LRBA: variants seen among roughly 807,000 people sequenced by gnomAD.
LRBA encodes the protein lipopolysaccharide-responsive and beige-like anchor protein.
Under a neutral mutation model 330.0 loss-of-function variants are expected in LRBA, and 176 were observed. The observed-to-expected ratio is 0.53, with a 90% CI of 0.47 to 0.60. The LOEUF (loss-of-function observed/expected upper bound fraction) is 0.60. LRBA is among the 20% of genes least tolerant of loss of function. LRBA has a pLI of 0.00. For synonymous variants in LRBA, 1,230 were observed against 1,193.0 expected (o/e 1.03, Z -0.64); for missense variants, 3,259 against 3,444.8 (o/e 0.95, Z 1.35).
intron 47 of LRBA, among the ~76,000 whole-genome samples, chr4:150,377,927 T>C (rs1215178405): frequency 6.8e-6 from 1 of 147,048 alleles, no homozygotes; most frequent in Non-Finnish European, 1.5e-5. Flanking sequence ...GCGGAGATCA[T>C]GCCACTGCAC....
intron 40 of LRBA, among the ~76,000 whole-genome samples, chr4:150,520,311 T>A (rs184102555): frequency 1.3e-5 from 2 of 152,138 alleles, no homozygotes; most frequent in African/African-American, 4.8e-5. Context: ...ATAGATAAAT[T>A]TGGGGAGAAA....
chr4:150,809,225 A>G (rs947580169), intron 31 of LRBA, among the ~76,000 whole-genome samples: 1 of 152,228 alleles, frequency 6.6e-6, no homozygotes, highest in African/African-American at 2.4e-5. Flanking sequence ...ATATACAAAC[A>G]TACACACACA....
chr4:150,721,307 G>T, intron 36 of LRBA: 1 of 342,904 alleles, frequency 2.9e-6, no homozygotes, highest in South Asian at 3.0e-5. Flanking sequence ...CCTGGGAAGT[G>T]AAAGTACTTT....
rs753822021 is a variant in LRBA, at chr4:150,828,615, G to A, written c.4736C>T (p.Thr1579Ile). The A allele has an allele frequency of 3.7e-6, 6 of 1,611,562 alleles. No individual in the cohort carries two copies. Among genetic ancestry groups the A allele is most frequent in the Non-Finnish European group, 5.1e-6 (6 of 1,178,458 alleles). The change falls in exon 30 of 57, where the codon ACA (threonine) becomes ATA (isoleucine). Residue 1579 changes from threonine (T) to isoleucine (I), a missense_variant. Thr to Ile is a moderately conservative substitution (Grantham distance 89, BLOSUM62 -1). Coordinates refer to ENST00000651943, the MANE Select transcript of LRBA (RefSeq NM_001364905.1). ...AGTTAAAGTGCTGAATGCTGCTGGTGTGATTTCTATATCATACCCAGAAAC... is the reference window on the plus strand; with the variant it reads ...AGTTAAAGTGCTGAATGCTGCTGGTATGATTTCTATATCATACCCAGAAAC... ...ENENVSLSEI[T>I]PAAFSTLTTA...
At chr4:150,634,814 G>GA (rs1777725146) in intron 37 of LRBA, among the ~76,000 whole-genome samples, 1 of 152,142 alleles carries the variant, frequency 6.6e-6, no homozygotes, top group African/African-American at 2.4e-5. Flanking sequence ...CAGTTTCTCA[G>GA]AAAGAAACAT....
intron 2 of LRBA, among the ~76,000 whole-genome samples, chr4:150,997,984 G>A (rs1055266284): frequency 5.9e-5 from 9 of 152,062 alleles, no homozygotes; most frequent in East Asian, 3.9e-4. Context: ...GATTACAAGC[G>A]TGAGCCACTG....
At chr4:150,755,881 A>G (rs913586577) in intron 35 of LRBA, among the ~76,000 whole-genome samples, 5 of 151,680 alleles carry the variant, frequency 3.3e-5, no homozygotes, top group African/African-American at 1.2e-4. Flanking sequence ...CTACAAGAAA[A>G]AAAAAAAAAT....
chr4:150,887,591 A>C (rs1357535034), intron 17 of LRBA, among the ~76,000 whole-genome samples: 1 of 151,944 alleles, frequency 6.6e-6, no homozygotes, highest in East Asian at 1.9e-4. Flanking sequence ...ATACGGTGAA[A>C]CCCTGTCTCT....
chr4:150,451,768 T>TCC (rs1381585465), intron 44 of LRBA, among the ~76,000 whole-genome samples: 1 of 151,800 alleles, frequency 6.6e-6, no homozygotes, highest in Non-Finnish European at 1.5e-5. Context: ...ACCAGACTGG[T>TCC]CCAGAGGGAG....
chr4:150,785,231 G>A lies in LRBA; in HGVS notation c.5580+12850C>T, dbSNP rs181220142. Among the ~76,000 whole-genome samples the A allele has an allele frequency of 2.7e-4, 41 of 152,248 alleles. No individual in the cohort carries two copies. In the East Asian group the frequency reaches 7.9e-3, roughly 29 times the overall value. On this transcript the variant is annotated intron_variant, in intron 34 of 56. Coordinates refer to ENST00000651943, the MANE Select transcript of LRBA (RefSeq NM_001364905.1). The stretch of plus-strand genomic sequence containing the variant: ...TGAGTTAGTTCGGGGCGGGGGCGTG[G>A]GGACAGAACTGGTTGGCAAGTTCAG...
chr4:150,979,735 C>G (rs1740626234), intron 2 of LRBA, among the ~76,000 whole-genome samples: 1 of 152,018 alleles, frequency 6.6e-6, no homozygotes, highest in South Asian at 2.1e-4. Flanking sequence ...TCATGGTAAC[C>G]TCAAATCAGA....
intron 2 of LRBA, among the ~76,000 whole-genome samples, chr4:150,977,782 G>C (rs1740364108): frequency 6.6e-6 from 1 of 152,244 alleles, no homozygotes; most frequent in African/African-American, 2.4e-5. Flanking sequence ...ATGGGTCTGT[G>C]GTGGTGGTGG....
At chr4:150,556,751 A>C (rs987520357) in intron 40 of LRBA, among the ~76,000 whole-genome samples, 6 of 152,218 alleles carry the variant, frequency 3.9e-5, no homozygotes, top group Non-Finnish European at 5.9e-5. Context: ...TTATGCATGC[A>C]CAAATGCAAT....
chr4:150,405,655 T>C (rs1325099146), intron 47 of LRBA, among the ~76,000 whole-genome samples: 1 of 151,938 alleles, frequency 6.6e-6, no homozygotes, highest in Non-Finnish European at 1.5e-5. Flanking sequence ...AATATATATA[T>C]ATAAATAATA....
chr4:150,603,745 C>T (rs1255986039), intron 37 of LRBA, among the ~76,000 whole-genome samples: 1 of 152,164 alleles, frequency 6.6e-6, no homozygotes, highest in African/African-American at 2.4e-5. Context: ...AATGATCCTC[C>T]TCCTTGAGCC....
intron 36 of LRBA, among the ~76,000 whole-genome samples, chr4:150,722,719 A>G (rs574563250): frequency 1.2e-4 from 18 of 152,096 alleles, no homozygotes; most frequent in African/African-American, 4.1e-4. Flanking sequence ...CTATCTGCAC[A>G]TAGCAAAGCA....
rs199594598 is a variant in LRBA, at chr4:150,928,510, T to G, written c.549+6A>C. ...AAAATACCAAAGAGTACTTAAGTTT[T>G]TTTACCCATCGTCCTTTATCTCCTT... On this transcript the variant is annotated splice_donor_region_variant and intron_variant, in intron 4 of 56. Transcript: ENST00000651943. The G allele has an allele frequency of 1.4e-4, 227 of 1,604,542 alleles. 1 individual carries two copies. Among genetic ancestry groups the G allele is most frequent in the Non-Finnish European group, 1.8e-4 (216 of 1,173,648 alleles).
At chr4:150,338,966 TACACACACACACAC>T (rs200463218) in intron 48 of LRBA, among the ~76,000 whole-genome samples, 4 of 148,618 alleles carry the variant, frequency 2.7e-5, no homozygotes, top group African/African-American at 4.9e-5. Flanking sequence ...TATTTAATTA[TACACACACACACAC>T]ACACACACAC....
At chr4:150,489,287 A>C (rs192054872) in intron 41 of LRBA, among the ~76,000 whole-genome samples, 12,485 of 54,814 alleles carry the variant, frequency 0.23, 2,751 homozygotes, top group Middle Eastern at 0.3. Context: ...ATTATATATA[A>C]GAATATATAA....
Sources: allele counts gnomAD v4.1 joint callset (sites outside exome capture counted in the v4.1 genomes callset), GRCh38; gene constraint gnomAD v4.1.1; transcripts MANE v1.5; gene names NCBI Gene and HGNC (gene_info 2026-07-23, HGNC 2026-07-21).